Variants in SHLD2 observed in about 807,000 individuals in gnomAD.
The protein encoded by SHLD2 is shieldin complex subunit 2.
A neutral mutation model predicts 73.2 loss-of-function variants in SHLD2; 30 were observed. The ratio of observed to expected loss-of-function variants is 0.41; its 90% CI spans 0.31 to 0.56. The LOEUF (loss-of-function observed/expected upper bound fraction) is 0.56, where lower values mean the gene tolerates loss of function less well. Ranked by LOEUF, SHLD2 falls within the 20% of genes least tolerant of loss-of-function variation. SHLD2 has a pLI of 0.28. For missense variants in SHLD2, 745 were observed against 1,055.9 expected (o/e 0.71, Z 4.08); for synonymous variants, 285 against 370.1 (o/e 0.77, Z 2.64).
intron 2 of SHLD2, among the ~76,000 whole-genome samples, chr10:87,150,992 A>G (rs993014905): frequency 2.6e-5 from 4 of 151,692 alleles, no homozygotes; most frequent in African/African-American, 9.7e-5. Flanking sequence ...CGCCCAGCTA[A>G]TTTTTTGTTT....
Position 87,170,626 on chromosome 10 carries a change from A to C in SHLD2, c.1782A>C (p.Val594=), listed in dbSNP as rs777234889. The change falls in exon 5 of 10, where the codon GTA becomes GTC. Residue 594 remains valine, a synonymous_variant. Coordinates refer to ENST00000298786, the MANE Select transcript of SHLD2 (RefSeq NM_001330112.2). The stretch of plus-strand genomic sequence containing the variant: ...AATTGGAGCACCTTCAACCTGATGT[A>C]TTAGTCCACGCAGTACTAAGAGTTG... The part of the protein sequence containing the change: ...FVELEHLQPD[V]LVHAVLRVVD... 1.2e-6 allele frequency: 2 copies of C among 1,612,988 alleles called. No individual in the cohort carries two copies. Among genetic ancestry groups the C allele is most frequent in the Non-Finnish European group, 1.7e-6 (2 of 1,179,586 alleles).
chr10:87,178,235 C>CAAAAAA (rs71019476), intron 7 of SHLD2, among the ~76,000 whole-genome samples: 5 of 31,024 alleles, frequency 1.6e-4, no homozygotes, highest in Non-Finnish European at 2.2e-4. Context: ...TACTCTGTCT[C>CAAAAAA]AAAAAAAAAA....
At chr10:87,187,814 G>A (rs1168079271) in intron 9 of SHLD2, among the ~76,000 whole-genome samples, 1 of 152,126 alleles carries the variant, frequency 6.6e-6, no homozygotes, top group Non-Finnish European at 1.5e-5. Flanking sequence ...AATAGTATTT[G>A]TACCTGGAAA....
intron 2 of SHLD2, 103 bp from the exon 3 acceptor site, chr10:87,151,246 GT>G (rs889712314): frequency 1.8e-6 from 1 of 558,226 alleles, no homozygotes; most frequent in Non-Finnish European, 3.1e-6. Flanking sequence ...TGTTAATTAT[GT>G]TTTTGACTCA....
At chr10:87,129,737 T>TA (rs1315625319) in intron 2 of SHLD2, among the ~76,000 whole-genome samples, 2 of 151,832 alleles carry the variant, frequency 1.3e-5, no homozygotes, top group African/African-American at 4.8e-5. Flanking sequence ...CCTCCTGCCC[T>TA]AGCCCTCCCA....
At position 87,191,224 on chromosome 10, in the gene SHLD2, T is replaced by C. The variant is rs892000969; in HGVS notation, c.*541T>C. The C allele has an allele frequency of 6.2e-6, 1 of 161,150 alleles. No individual in the cohort carries two copies. The highest frequency in any genetic ancestry group is 1.4e-5 in the Non-Finnish European group (1 of 72,964). The allele number at this position is 161,150 out of a possible 1,614,324, so 10.0% of individuals were successfully genotyped here. The stretch of plus-strand genomic sequence containing the variant: ...GAAGGAAATGAGATCATGTTTCAAT[T>C]TATTAAAGCAGGGAAGAGCGTTCTG... On this transcript the variant is annotated 3_prime_UTR_variant, in exon 10 of 10. Coordinates refer to ENST00000298786, the MANE Select transcript of SHLD2 (RefSeq NM_001330112.2).
intron 8 of SHLD2, among the ~76,000 whole-genome samples, chr10:87,184,069 A>G (rs1338019631): frequency 2.0e-5 from 3 of 151,518 alleles, no homozygotes; most frequent in Non-Finnish European, 4.4e-5. Context: ...CCCACAATAG[A>G]CTCTTGTTTT....
intron 2 of SHLD2, among the ~76,000 whole-genome samples, chr10:87,107,632 T>A: frequency 6.6e-6 from 1 of 152,112 alleles, no homozygotes; most frequent in Non-Finnish European, 1.5e-5. Flanking sequence ...GAAAAGACCT[T>A]GACATGTTTT....
chr10:87,131,182 A>G (rs561684006), intron 2 of SHLD2, among the ~76,000 whole-genome samples: 3 of 151,436 alleles, frequency 2.0e-5, no homozygotes, highest in Middle Eastern at 3.4e-3. Flanking sequence ...ACTTATTTCT[A>G]ATTTTTTTTT....
chr10:87,136,061 G>A (rs1406161718), intron 2 of SHLD2, among the ~76,000 whole-genome samples: 1 of 151,482 alleles, frequency 6.6e-6, no homozygotes, highest in Admixed American at 6.6e-5. Context: ...TCTTCTGCAT[G>A]GGAGATTTGT....
chr10:87,126,828 G>T (rs1351566312), intron 2 of SHLD2, among the ~76,000 whole-genome samples: 2 of 152,168 alleles, frequency 1.3e-5, no homozygotes, highest in African/African-American at 4.8e-5. Context: ...TTTCTCCATT[G>T]AAACAGTATG....
chr10:87,140,663 A>C (rs1845129020), intron 2 of SHLD2, among the ~76,000 whole-genome samples: 1 of 151,850 alleles, frequency 6.6e-6, no homozygotes, highest in Non-Finnish European at 1.5e-5. Context: ...ATAAACAAAT[A>C]TAATCATACC....
At chr10:87,140,425 A>G (rs1477497781) in intron 2 of SHLD2, among the ~76,000 whole-genome samples, 1 of 151,364 alleles carries the variant, frequency 6.6e-6, no homozygotes, top group Non-Finnish European at 1.5e-5. Context: ...ATCTCAAAAA[A>G]AAAAAAAAAA....
At position 87,170,893 on chromosome 10, in the gene SHLD2, G is replaced by A. The variant is rs368106548; in HGVS notation, c.1882G>A (p.Glu628Lys). The part of the protein sequence containing the change: ...QKQKKVMLTV[E>K]QAQDQHYALV... ...GCAGAAAAAAGTTATGTTAACAGTG[G>A]AACAGGCCCAAGATCAACATTATGC... Residue 628 changes from glutamate (E) to lysine (K), a missense_variant, in exon 6 of 10, where the codon GAA (glutamate) becomes AAA (lysine). By Grantham distance (56) the Glu-to-Lys change is moderately conservative (BLOSUM62 1). This residue lies in a region of SHLD2 where 418 missense variants were observed against 567.8 expected (regional missense o/e 0.74). Coordinates refer to ENST00000298786, the MANE Select transcript of SHLD2 (RefSeq NM_001330112.2). The A allele has an allele frequency of 1.8e-4, 291 of 1,609,430 alleles. 2 individuals carry two copies. In the East Asian group the frequency reaches 3.5e-3, roughly 19 times the overall value.
At chr10:87,148,555 T>G (rs978404011) in intron 2 of SHLD2, among the ~76,000 whole-genome samples, 2 of 128,936 alleles carry the variant, frequency 1.6e-5, no homozygotes, top group African/African-American at 6.4e-5. Context: ...ACAAACAAGT[T>G]TGTGGGGGGG....
intron 2 of SHLD2, among the ~76,000 whole-genome samples, chr10:87,133,037 C>T (rs1372443730): frequency 6.6e-6 from 1 of 152,010 alleles, no homozygotes; most frequent in Non-Finnish European, 1.5e-5. Flanking sequence ...GTTAACTTGC[C>T]AAAGGTCACA....
intron 2 of SHLD2, among the ~76,000 whole-genome samples, chr10:87,124,645 C>T (rs555657689): frequency 6.6e-6 from 1 of 152,112 alleles, no homozygotes; most frequent in Non-Finnish European, 1.5e-5. Context: ...TGCTGTCGCT[C>T]ACTGGTGATT....
At chr10:87,095,105 G>C (rs1841713041), upstream of SHLD2, 1 of 143,684 alleles carries the variant, frequency 7.0e-6, no homozygotes, top group Non-Finnish European at 1.5e-5. Context: ...GGGGAGGGGA[G>C]AGGAAGGGCG....
chr10:87,181,099 G>A (rs1028122862), intron 8 of SHLD2, among the ~76,000 whole-genome samples: 8 of 151,940 alleles, frequency 5.3e-5, no homozygotes, highest in African/African-American at 1.9e-4. Flanking sequence ...ATGTATGGTA[G>A]GCTGGGTGTG....
Sources: allele counts gnomAD v4.1 joint callset (sites outside exome capture counted in the v4.1 genomes callset), GRCh38; gene constraint gnomAD v4.1.1; regional missense constraint gnomAD v4.1.1; transcripts MANE v1.5; gene names NCBI Gene and HGNC (gene_info 2026-07-23, HGNC 2026-07-21).